Variants in NPHP1 observed in about 807,000 individuals in gnomAD.
The protein encoded by NPHP1 is nephrocystin-1.
In NPHP1, 70 loss-of-function variants were observed where a neutral mutation model predicts 90.4. The observed-to-expected ratio is 0.77, with a 90% CI of 0.64 to 0.95. The LOEUF is 0.95. NPHP1 is among the 40% of genes least tolerant of loss of function. The pLI is 0.00. For missense variants in NPHP1, 764 were observed against 795.9 expected (o/e 0.96, Z 0.48); for synonymous variants, 256 against 271.7 (o/e 0.94, Z 0.57).
At chr2:110,189,452 A>G (rs146943169) in intron 2 of NPHP1, among the ~76,000 whole-genome samples, 13,778 of 151,874 alleles carry the variant, frequency 0.091, 1,068 homozygotes, top group African/African-American at 0.21. Flanking sequence ...CAGTGGGCTC[A>G]TGGTCTCGCT....
chr2:110,183,895 G>A (rs1388999534), intron 2 of NPHP1, among the ~76,000 whole-genome samples: 1 of 152,102 alleles, frequency 6.6e-6, no homozygotes, highest in Non-Finnish European at 1.5e-5. Flanking sequence ...AATTGATCAA[G>A]TAATCGGAAA....
intron 10 of NPHP1, among the ~76,000 whole-genome samples, chr2:110,160,682 T>C (rs1682245843): frequency 6.6e-6 from 1 of 152,192 alleles, no homozygotes; most frequent in Non-Finnish European, 1.5e-5. Flanking sequence ...ATCTGCATAG[T>C]TCCTTAGTTT....
At chr2:110,126,489 T>C (rs930121183) in intron 18 of NPHP1, 2 of 152,372 alleles carry the variant, frequency 1.3e-5, no homozygotes, top group African/African-American at 2.4e-5. Flanking sequence ...GATAACAGAC[T>C]ATGCCACTCA....
rs549736636 is a variant in NPHP1 at position 110,123,993 on chromosome 2, G to A, written c.1832C>T (p.Ser611Phe). 2 of 1,613,958 alleles carry A rather than the reference G, an allele frequency of 1.2e-6. No homozygotes were observed. The highest frequency in any genetic ancestry group is 1.3e-5 in the African/African-American group (1 of 74,928). ...YHDCVLPLLH[S>F]TRLPPFRWAE... ...CCACCTGAATGGGGGTAGGCGTGTGGAGTGGAGAAGTGGGAGCACGCAGTC... is the reference window on the plus strand; with the variant it reads ...CCACCTGAATGGGGGTAGGCGTGTGAAGTGGAGAAGTGGGAGCACGCAGTC... The change falls in exon 20 of 20, where the codon TCC becomes TTC. Residue 611 changes from serine to phenylalanine, a missense_variant. Ser to Phe is a radical substitution (Grantham distance 155). Coordinates refer to ENST00000445609, the MANE Select transcript of NPHP1 (RefSeq NM_001128178.3).
intron 14 of NPHP1, 31 bp downstream of exon 14, chr2:110,146,722 T>C (rs776149325): frequency 2.0e-6 from 3 of 1,476,668 alleles, no homozygotes; most frequent in East Asian, 4.5e-5. Context: ...TACAGAAGTA[T>C]TCATTCGTTA....
At chr2:110,125,564 G>T in intron 19 of NPHP1, 73 bp downstream of exon 19, 3 of 1,396,858 alleles carry the variant, frequency 2.1e-6, no homozygotes, top group Admixed American at 1.7e-5. Context: ...CTAAAAAAGA[G>T]ACATGATTAG....
chr2:110,127,509 A>G (rs1679452112), intron 18 of NPHP1: 1 of 152,114 alleles, frequency 6.6e-6, no homozygotes, highest in Non-Finnish European at 1.5e-5. Context: ...ATTCACCAAT[A>G]CCTCTCTGGA....
chr2:110,199,028 A>G (rs1409541826), intron 2 of NPHP1, among the ~76,000 whole-genome samples: 1 of 152,130 alleles, frequency 6.6e-6, no homozygotes, highest in Non-Finnish European at 1.5e-5. Flanking sequence ...AAGGAGAAAA[A>G]AAAAGCCTCC....
Position 110,161,487 on chromosome 2 carries a change from AT to A in NPHP1, c.954+115del, listed in dbSNP as rs1682328042. 3.0e-5 allele frequency: 21 copies of A among 700,210 alleles called. No homozygotes were observed. In the South Asian group the frequency reaches 3.6e-4, roughly 12 times the overall value. 43.4% of individuals were successfully genotyped at this position (700,210 alleles called of 1,614,324 possible). ...AAATATCGCTATTTTCAAAATTATCATAAACAATTTTTTTGTTTTTTATAAT... is the reference window on the plus strand; with the variant it reads ...AAATATCGCTATTTTCAAAATTATCAAAACAATTTTTTTGTTTTTTATAAT... On this transcript the variant is annotated intron_variant, in intron 10 of 19. Coordinates refer to ENST00000445609, the MANE Select transcript of NPHP1 (RefSeq NM_001128178.3).
rs757570847 is a variant in NPHP1 at position 110,144,446 on chromosome 2, A to G, written c.1429+47T>C. The G allele has an allele frequency of 5.5e-5, 69 of 1,253,390 alleles. 1 individual carries two copies. The Admixed American group carries it at 1.1e-3, about 21-fold the overall frequency. The allele number at this position is 1,253,390 out of a possible 1,614,324, so 77.6% of individuals were successfully genotyped here. A position where few individuals can be genotyped will look rare whatever the true frequency, so the allele number is the denominator to read the frequency against. ...ATGTAGCTACCTCTCAGATGCTTCT[A>G]TTTGTTTAATCTTTAAGGAAAGGAA... On this transcript the variant is annotated intron_variant, in intron 15 of 19. Transcript: ENST00000445609.
Position 110,196,022 on chromosome 2 carries a change from T to G in NPHP1, c.143+5399A>C, listed in dbSNP as rs573197292. Reference sequence around the variant, plus strand: ...ATTAATTCAAGATGGATTAAAGACTTAAATGTTGGACCTAAAACCATAAAA... The same window carrying G: ...ATTAATTCAAGATGGATTAAAGACTGAAATGTTGGACCTAAAACCATAAAA... On this transcript the variant is annotated intron_variant, in intron 2 of 19. Coordinates refer to ENST00000445609, the MANE Select transcript of NPHP1 (RefSeq NM_001128178.3). Among the ~76,000 whole-genome samples the G allele has an allele frequency of 4.9e-4, 74 of 152,212 alleles. 1 individual carries two copies. Among genetic ancestry groups the G allele is most frequent in the African/African-American group, 1.7e-3 (72 of 41,530 alleles).
rs1378607775 is a variant in NPHP1, at chr2:110,160,269, T to C, written c.955-14A>G. 3 of 1,595,552 alleles carry C rather than the reference T, an allele frequency of 1.9e-6. No homozygotes were observed. The highest frequency in any genetic ancestry group is 2.2e-5 in the East Asian group (1 of 44,700). On this transcript the variant is annotated splice_polypyrimidine_tract_variant and intron_variant, in intron 10 of 19. Coordinates refer to ENST00000445609, the MANE Select transcript of NPHP1 (RefSeq NM_001128178.3). The stretch of plus-strand genomic sequence containing the variant: ...TCTCGACCTAATCTGAAAGAAAAAT[T>C]AGTTATAAAAAAGTTTATTTTTATG...
At chr2:110,157,041 C>T (rs549852463) in intron 11 of NPHP1, among the ~76,000 whole-genome samples, 11 of 152,140 alleles carry the variant, frequency 7.2e-5, no homozygotes, top group South Asian at 6.2e-4. Flanking sequence ...TCCCAAAGTG[C>T]GGGGATTACA....
intron 2 of NPHP1, among the ~76,000 whole-genome samples, chr2:110,198,386 T>A (rs569250135): frequency 6.6e-6 from 1 of 152,204 alleles, no homozygotes; most frequent in Non-Finnish European, 1.5e-5. Context: ...TTAAATCATA[T>A]GCATACATCT....
chr2:110,182,071 G>A (rs11240791), intron 2 of NPHP1, among the ~76,000 whole-genome samples: 72,803 of 151,800 alleles, frequency 0.48, 20,374 homozygotes, highest in Non-Finnish European at 0.61. Context: ...TAAGACAGGC[G>A]GACAAGAATA....
At chr2:110,180,446 G>GTTTT (rs1305318934) in intron 2 of NPHP1, among the ~76,000 whole-genome samples, 1 of 95,182 alleles carries the variant, frequency 1.1e-5, no homozygotes, top group East Asian at 4.2e-4. Flanking sequence ...TGCCGTTTGA[G>GTTTT]TCTTTTTTTT....
At chr2:110,189,815 A>C (rs1412154909) in intron 2 of NPHP1, among the ~76,000 whole-genome samples, 6 of 152,150 alleles carry the variant, frequency 3.9e-5, no homozygotes, top group Admixed American at 3.9e-4. Context: ...AGGTTCTCCA[A>C]GTCCCCACCA....
intron 12 of NPHP1, among the ~76,000 whole-genome samples, chr2:110,149,893 T>C (rs1196103372): frequency 6.6e-6 from 1 of 152,138 alleles, no homozygotes; most frequent in Non-Finnish European, 1.5e-5. Context: ...GTTGGAAGAT[T>C]TCATCTTTGA....
intron 16 of NPHP1, among the ~76,000 whole-genome samples, chr2:110,140,454 T>C (rs1365021578): frequency 6.6e-6 from 1 of 152,156 alleles, no homozygotes; most frequent in Non-Finnish European, 1.5e-5. Context: ...GAGCATTCAC[T>C]GCTTAAGAAG....
Sources: allele counts gnomAD v4.1 joint callset (sites outside exome capture counted in the v4.1 genomes callset), GRCh38; gene constraint gnomAD v4.1.1; transcripts MANE v1.5; gene names NCBI Gene and HGNC (gene_info 2026-07-23, HGNC 2026-07-21).